Variants in P2RY12 observed in about 807,000 individuals in gnomAD.
P2RY12 encodes the protein P2Y purinoceptor 12.
P2RY12 carries 3 observed loss-of-function variants against 4.5 expected under a neutral mutation model. The ratio of observed to expected loss-of-function variants is 0.67; its 90% CI spans 0.31 to 1.74. The LOEUF (loss-of-function observed/expected upper bound fraction) is 1.74, where lower values mean the gene tolerates loss of function less well. Among genes scored for constraint, P2RY12 ranks in the 40% most tolerant of loss-of-function variants. The probability of loss-of-function intolerance (pLI) is 0.09; values close to 1 mark genes in which losing one functional copy is unlikely to be tolerated. For synonymous variants in P2RY12, 148 were observed against 154.1 expected (o/e 0.96, Z 0.29); for missense variants, 356 against 407.8 (o/e 0.87, Z 1.09).
chr3:151,373,294 A>G (rs1756409340), intron 1 of P2RY12, among the ~76,000 whole-genome samples: 1 of 152,178 alleles, frequency 6.6e-6, no homozygotes, highest in African/African-American at 2.4e-5. Context: ...TCAGGTAATC[A>G]TGTCTGAAGG....
At chr3:151,338,885 A>G in intron 2 of P2RY12, 26 bp from the exon 3 acceptor site, 1 of 1,594,988 alleles carries the variant, frequency 6.3e-7, no homozygotes, top group African/African-American at 1.3e-5. Flanking sequence ...GAGGATGGTT[A>G]TTTTCAGCCT....
At chr3:151,384,429 A>G (rs997410398) in intron 1 of P2RY12, among the ~76,000 whole-genome samples, 2 of 152,260 alleles carry the variant, frequency 1.3e-5, no homozygotes, top group Non-Finnish European at 2.9e-5. Context: ...ATTACATTAT[A>G]AAACATGTTT....
chr3:151,384,260 A>C, intron 1 of P2RY12: 1 of 1,550,506 alleles, frequency 6.4e-7, no homozygotes. Flanking sequence ...CAAGTTGTTT[A>C]TGGATTTATT....
intron 1 of P2RY12, chr3:151,372,800 A>T: frequency 1.3e-6 from 2 of 1,556,828 alleles, no homozygotes; most frequent in Non-Finnish European, 1.8e-6. Flanking sequence ...TACTTTGAGT[A>T]CGTAACTCTT....
At chr3:151,349,548 C>T (rs1752968273) in intron 1 of P2RY12, among the ~76,000 whole-genome samples, 1 of 152,092 alleles carries the variant, frequency 6.6e-6, no homozygotes, top group African/African-American at 2.4e-5. Context: ...CCTCCCAAAG[C>T]ACTGGGATTA....
chr3:151,357,273 G>A (rs1411901253), intron 1 of P2RY12: 4 of 1,613,658 alleles, frequency 2.5e-6, no homozygotes, highest in Non-Finnish European at 3.4e-6. Context: ...CAGCCTGGCA[G>A]GAAGTTATAC....
chr3:151,369,596 A>T lies in P2RY12; in HGVS notation c.-180+15096T>A, dbSNP rs757608174. 26 of 1,215,304 alleles carry T rather than the reference A, an allele frequency of 2.1e-5. No individual in the cohort carries two copies. In the Admixed American group the frequency reaches 5.5e-4, roughly 26 times the overall value. 75.3% of individuals were successfully genotyped at this position (1,215,304 alleles called of 1,614,324 possible). ...GCTTCTTGGTTAATCACCAGAAATGAAGGCAAAATAATTTATTTTCAGGTT... is the reference window on the plus strand; with the variant it reads ...GCTTCTTGGTTAATCACCAGAAATGTAGGCAAAATAATTTATTTTCAGGTT... On this transcript the variant is annotated intron_variant, in intron 1 of 2. Transcript: ENST00000302632.
intron 1 of P2RY12, chr3:151,355,321 A>C (rs889495179): frequency 1.2e-6 from 1 of 853,694 alleles, no homozygotes; most frequent in Non-Finnish European, 1.9e-6. Context: ...TATTTTCTCA[A>C]CCTTAATGGT....
intron 1 of P2RY12, among the ~76,000 whole-genome samples, chr3:151,381,276 C>T (rs1278366494): frequency 5.3e-5 from 8 of 152,076 alleles, no homozygotes; most frequent in Non-Finnish European, 2.9e-5. Flanking sequence ...TTATTTGATC[C>T]TCTTGTCATT....
Position 151,364,978 on chromosome 3 carries a change from G to A in P2RY12, c.-180+19714C>T. ...TTTAACTTTTTTTCTTATAACCTCA[G>A]TAGTGCCTGTTCAAAAGTAAAGCAA... On this transcript the variant is annotated intron_variant, in intron 1 of 2. Coordinates refer to ENST00000302632, the MANE Select transcript of P2RY12 (RefSeq NM_022788.5). 3 of 1,609,436 alleles carry A rather than the reference G, an allele frequency of 1.9e-6. No individual in the cohort carries two copies. In the South Asian group the frequency reaches 3.3e-5, roughly 18 times the overall value.
chr3:151,353,725 A>T (rs1753535687), intron 1 of P2RY12, among the ~76,000 whole-genome samples: 1 of 152,166 alleles, frequency 6.6e-6, no homozygotes, highest in Non-Finnish European at 1.5e-5. Context: ...AATCTTGTTC[A>T]TTTCTTGTGT....
intron 1 of P2RY12, among the ~76,000 whole-genome samples, chr3:151,373,876 T>TGAGA (rs765225390): frequency 6.6e-6 from 1 of 152,178 alleles, no homozygotes. Context: ...AGAACGTTAC[T>TGAGA]GAGAAACCAA....
chr3:151,346,528 A>G (rs949742758), intron 1 of P2RY12, among the ~76,000 whole-genome samples: 42 of 152,238 alleles, frequency 2.8e-4, no homozygotes, highest in African/African-American at 9.6e-4. Context: ...AGGTTCACAC[A>G]TGGTTTGTCA....
chr3:151,357,395 A>T (rs748579748), intron 1 of P2RY12: 5 of 1,543,678 alleles, frequency 3.2e-6, no homozygotes, highest in Admixed American at 4.1e-5. Context: ...ATAGCATGTC[A>T]TTGTTGTTTT....
chr3:151,354,589 T>C (rs1437740331), intron 1 of P2RY12, among the ~76,000 whole-genome samples: 1 of 152,204 alleles, frequency 6.6e-6, no homozygotes, highest in Non-Finnish European at 1.5e-5. Context: ...GTGGATATCA[T>C]TGTAATTTAA....
chr3:151,384,577 C>T (rs369992003), intron 1 of P2RY12, 115 bp downstream of exon 1: 122 of 190,120 alleles, frequency 6.4e-4, no homozygotes, highest in Non-Finnish European at 9.9e-4. Flanking sequence ...ATTTATAAAT[C>T]GATTCATTTG....
chr3:151,337,803 CTTAG>C lies in P2RY12; in HGVS notation c.*10_*13del, dbSNP rs758276568. The C allele has an allele frequency of 5.5e-5, 89 of 1,611,834 alleles. No homozygotes were observed. Among genetic ancestry groups the C allele is most frequent in the African/African-American group, 9.4e-5 (7 of 74,832 alleles). ...GAACACAAAGAGATTGAAATATTTCCTTAGTTAATTTGTTTACATTGGAGTCTCT... is the reference window on the plus strand; with the variant it reads ...GAACACAAAGAGATTGAAATATTTCCTTAATTTGTTTACATTGGAGTCTCT... On this transcript the variant is annotated 3_prime_UTR_variant, in exon 3 of 3. Transcript: ENST00000302632.
chr3:151,349,535 T>G (rs1175880667), intron 1 of P2RY12, among the ~76,000 whole-genome samples: 1 of 152,154 alleles, frequency 6.6e-6, no homozygotes, highest in Non-Finnish European at 1.5e-5. Flanking sequence ...CCTCCCACCT[T>G]GGCCTCCCAA....
chr3:151,382,487 G>C (rs1443691132), intron 1 of P2RY12, among the ~76,000 whole-genome samples: 1 of 151,812 alleles, frequency 6.6e-6, no homozygotes, highest in Non-Finnish European at 1.5e-5. Context: ...CAAATAAATA[G>C]CCAGATTTCT....
Sources: gnomAD v4.1 joint callset for allele counts (sites outside exome capture counted in the v4.1 genomes callset) on GRCh38, gnomAD v4.1.1 for gene constraint, MANE v1.5 for transcripts, NCBI Gene and HGNC (gene_info 2026-07-23, HGNC 2026-07-21) for gene names.